NGLY1: variants seen among roughly 807,000 people sequenced by gnomAD.
NGLY1 encodes peptide-N(4)-(N-acetyl-beta-glucosaminyl)asparagine amidase.
NGLY1 carries 68 observed loss-of-function variants against 84.6 expected under a neutral mutation model. The observed-to-expected ratio is 0.80, with a 90% CI of 0.66 to 0.98. The LOEUF is 0.98. NGLY1 is among the 50% of genes least tolerant of loss of function. NGLY1 has a pLI of 0.00. For synonymous variants in NGLY1, 280 were observed against 275.2 expected (o/e 1.02, Z -0.17); for missense variants, 779 against 770.2 (o/e 1.01, Z -0.14).
At chr3:25,776,547 T>G (rs1708163775) in intron 2 of NGLY1, among the ~76,000 whole-genome samples, 1 of 152,230 alleles carries the variant, frequency 6.6e-6, no homozygotes, top group Non-Finnish European at 1.5e-5. Context: ...GGTTGTAAAC[T>G]CATATAGCCA....
rs1559525222 is a variant in NGLY1, at chr3:25,719,303, C to G, written c.*157G>C. The stretch of plus-strand genomic sequence containing the variant: ...TAATTCAATATTTTATTATAGTCCA[C>G]GTATAAAGATAATTTTCATGAGGGT... On this transcript the variant is annotated 3_prime_UTR_variant, in exon 12 of 12. Coordinates refer to ENST00000280700, the MANE Select transcript of NGLY1 (RefSeq NM_018297.4). 1 of 516,864 alleles carries G rather than the reference C, an allele frequency of 1.9e-6. No homozygotes were observed. The highest frequency in any genetic ancestry group is 3.5e-6 in the Non-Finnish European group (1 of 288,142). The allele number at this position is 516,864 out of a possible 1,614,324, so 32.0% of individuals were successfully genotyped here. A position where few individuals can be genotyped will look rare whatever the true frequency, so the allele number is the denominator to read the frequency against.
intron 6 of NGLY1, 120 bp downstream of exon 6, chr3:25,737,214 C>T: frequency 1.3e-6 from 1 of 758,706 alleles, no homozygotes. Context: ...TTACACAAGG[C>T]AAATGGAAGG....
chr3:25,747,829 A>C (rs1476622865), intron 4 of NGLY1, among the ~76,000 whole-genome samples: 1 of 152,230 alleles, frequency 6.6e-6, no homozygotes, highest in Admixed American at 6.5e-5. Flanking sequence ...GGACATTTAA[A>C]TAGCAATTTT....
intron 3 of NGLY1, among the ~76,000 whole-genome samples, chr3:25,753,670 A>G (rs554214245): frequency 2.0e-5 from 3 of 152,134 alleles, no homozygotes; most frequent in Non-Finnish European, 4.4e-5. Context: ...TAAAAGACTA[A>G]AAAGATTATA....
At chr3:25,769,463 A>T (rs951513837) in intron 2 of NGLY1, among the ~76,000 whole-genome samples, 2 of 152,228 alleles carry the variant, frequency 1.3e-5, no homozygotes, top group Non-Finnish European at 2.9e-5. Context: ...AATGCTCAAC[A>T]TCACTAATTA....
intron 4 of NGLY1, among the ~76,000 whole-genome samples, chr3:25,745,713 T>C (rs1044656800): frequency 1.3e-5 from 2 of 152,188 alleles, no homozygotes; most frequent in African/African-American, 2.4e-5. Flanking sequence ...TAGATTACTA[T>C]TGTGTTTTAA....
chr3:25,726,669 G>A (rs1231422045), intron 10 of NGLY1, among the ~76,000 whole-genome samples: 13 of 152,204 alleles, frequency 8.5e-5, no homozygotes. Flanking sequence ...TGGAAAAGAC[G>A]TGGAGCTATG....
intron 2 of NGLY1, among the ~76,000 whole-genome samples, chr3:25,772,531 T>A (rs1707944542): frequency 6.6e-6 from 1 of 152,208 alleles, no homozygotes; most frequent in Admixed American, 6.5e-5. Flanking sequence ...TATGTTAGTC[T>A]TTATGTATTA....
intron 10 of NGLY1, 130 bp downstream of exon 10, chr3:25,729,003 C>T: frequency 1.8e-6 from 1 of 546,270 alleles, no homozygotes; most frequent in Non-Finnish European, 2.8e-6. Flanking sequence ...TTTTCTTTTC[C>T]AGGTTATAGG....
At chr3:25,736,885 T>C in intron 6 of NGLY1, 1 of 161,174 alleles carries the variant, frequency 6.2e-6, no homozygotes, top group Non-Finnish European at 1.4e-5. Flanking sequence ...TAGTGTTTGA[T>C]AGATCAATAG....
Position 25,718,961 on chromosome 3 carries a change from TTTTA to T in NGLY1, c.*495_*498del. 6.6e-6 allele frequency: 1 copy of T among 152,282 alleles called. No homozygotes were observed. Among genetic ancestry groups the T allele is most frequent in the Middle Eastern group, 3.5e-3 (1 of 288 alleles). 9.4% of individuals were successfully genotyped at this position (152,282 alleles called of 1,614,324 possible). On this transcript the variant is annotated 3_prime_UTR_variant, in exon 12 of 12. Coordinates refer to ENST00000280700, the MANE Select transcript of NGLY1 (RefSeq NM_018297.4). ...AAAAGATGTAAGGCAAAATACTTCA[TTTTA>T]TTTCTTAAATGCCTGAATATTTATA... is the stretch of plus-strand genomic sequence containing the variant.
chr3:25,768,315 A>G (rs1198925509), intron 2 of NGLY1, among the ~76,000 whole-genome samples: 1 of 151,252 alleles, frequency 6.6e-6, no homozygotes, highest in Non-Finnish European at 1.5e-5. Context: ...AATCCCAGTT[A>G]CTCGGAAGAC....
chr3:25,764,117 C>A lies in NGLY1; in HGVS notation c.441G>T (p.Gln147His). ...ACTGCCCTTGACGGTTCCTTGTGTG[C>A]TGGTTTAACCCACTGGGATTTGAAG... ...TPSSNPSGLN[Q>H]HTRNRQGQSS... Residue 147 changes from glutamine to histidine, a missense_variant, in exon 3 of 12, where the codon CAG (glutamine) becomes CAT (histidine). By Grantham distance (24) the Gln-to-His change is conservative. Transcript: ENST00000280700. 6.2e-7 allele frequency: 1 copy of A among 1,614,166 alleles called. No homozygotes were observed. The highest frequency in any genetic ancestry group is 1.1e-5 in the South Asian group (1 of 91,086).
Position 25,751,102 on chromosome 3 carries a change from A to C in NGLY1, c.654T>G (p.Asp218Glu). ...QEKLSRARKL[D>E]KGINISDEDF... ...ATGATTATGTAAAGCTACTACCTTT[A>C]TCCAATTTTCTAGCTCTCGATAACT... The change falls in exon 4 of 12, where the codon GAT becomes GAG. Residue 218 changes from aspartate to glutamate, a missense_variant. Physicochemically the swap from Asp to Glu is conservative, Grantham distance 45 (BLOSUM62 2). Coordinates refer to ENST00000280700, the MANE Select transcript of NGLY1 (RefSeq NM_018297.4). 1 of 1,610,578 alleles carries C rather than the reference A, an allele frequency of 6.2e-7. No homozygotes were observed. Among genetic ancestry groups the C allele is most frequent in the Non-Finnish European group, 8.5e-7 (1 of 1,178,892 alleles).
At chr3:25,772,763 G>A (rs773672146) in intron 2 of NGLY1, among the ~76,000 whole-genome samples, 1 of 152,078 alleles carries the variant, frequency 6.6e-6, no homozygotes, top group Non-Finnish European at 1.5e-5. Flanking sequence ...ATAATTTGGT[G>A]TATTTCGAGG....
At chr3:25,722,678 GCTCCA>G (rs1376502189) in intron 10 of NGLY1, among the ~76,000 whole-genome samples, 2 of 152,096 alleles carry the variant, frequency 1.3e-5, no homozygotes, top group African/African-American at 4.8e-5. Context: ...ACTGTCAATT[GCTCCA>G]CTCAAGTTTG....
At chr3:25,775,683 A>C (rs1451648808) in intron 2 of NGLY1, among the ~76,000 whole-genome samples, 3 of 152,232 alleles carry the variant, frequency 2.0e-5, no homozygotes, top group Admixed American at 2.0e-4. Context: ...GCAGTTACCA[A>C]AGGCTTGGAG....
intron 10 of NGLY1, among the ~76,000 whole-genome samples, chr3:25,721,748 CAAAAAAAAAA>C (rs59028606): frequency 7.9e-5 from 4 of 50,702 alleles, no homozygotes; most frequent in African/African-American, 2.6e-4. Context: ...GACTCCATCT[CAAAAAAAAAA>C]AAAAAAAAAA....
Position 25,764,211 on chromosome 3 carries a change from G to A in NGLY1, c.347C>T (p.Ser116Leu). The A allele has an allele frequency of 6.2e-7, 1 of 1,614,040 alleles. No homozygotes were observed. Among genetic ancestry groups the A allele is most frequent in the Non-Finnish European group, 8.5e-7 (1 of 1,180,012 alleles). Residue 116 changes from serine (S) to leucine (L), a missense_variant, in exon 3 of 12, where the codon TCA becomes TTA. Physicochemically the swap from Ser to Leu is moderately radical, Grantham distance 145. Coordinates refer to ENST00000280700, the MANE Select transcript of NGLY1 (RefSeq NM_018297.4). ...AIERSSRLDG[S>L]NKSHKVKSSQ... ...TGACTTTACTTTGTGGCTCTTATTT[G>A]AGCCATCCAGTCTGCTACTTCTCTC...
Sources: allele counts gnomAD v4.1 joint callset (sites outside exome capture counted in the v4.1 genomes callset), GRCh38; gene constraint gnomAD v4.1.1; transcripts MANE v1.5; gene names NCBI Gene and HGNC (gene_info 2026-07-23, HGNC 2026-07-21).